The following CNTNAP2 variants were observed in gnomAD, a reference collection of about 807,000 sequenced individuals.
CNTNAP2 encodes contactin-associated protein-like 2.
Under a neutral mutation model 155.2 loss-of-function variants are expected in CNTNAP2, and 98 were observed. That is an observed-to-expected ratio of 0.63 (90% CI 0.54 to 0.75). The LOEUF (loss-of-function observed/expected upper bound fraction) is 0.75, where lower values mean the gene tolerates loss of function less well. CNTNAP2 is among the 30% of genes least tolerant of loss of function. The pLI is 0.00. For synonymous variants in CNTNAP2, 651 were observed against 631.2 expected, an observed-to-expected ratio of 1.03 and a Z score of -0.47; for missense variants, 1,727 against 1,688.1, an observed-to-expected ratio of 1.02 and a Z score of -0.40.
intron 10 of CNTNAP2, among the ~76,000 whole-genome samples, chr7:147,396,859 A>T (rs1201122037): frequency 1.3e-5 from 2 of 152,038 alleles, no homozygotes; most frequent in Non-Finnish European, 2.9e-5. Context: ...AAATTTTTTT[A>T]AAATTTTGAA....
At chr7:146,169,083 C>G (rs1214423374) in intron 1 of CNTNAP2, among the ~76,000 whole-genome samples, 1 of 152,176 alleles carries the variant, frequency 6.6e-6, no homozygotes, top group African/African-American at 2.4e-5. Flanking sequence ...GCACCTTTGC[C>G]ACTTTCTGCT....
At chr7:146,572,126 A>G (rs543844507) in intron 1 of CNTNAP2, among the ~76,000 whole-genome samples, 1 of 152,346 alleles carries the variant, frequency 6.6e-6, no homozygotes, top group East Asian at 1.9e-4. Flanking sequence ...CTTGAATATT[A>G]AAACTCAAAT....
chr7:148,185,715 C>T (rs1259711497), intron 18 of CNTNAP2, among the ~76,000 whole-genome samples: 1 of 152,100 alleles, frequency 6.6e-6, no homozygotes, highest in Non-Finnish European at 1.5e-5. Context: ...TGATTTAAAT[C>T]CCTTTTAAAT....
At chr7:146,786,487 A>C (rs985081827) in intron 2 of CNTNAP2, among the ~76,000 whole-genome samples, 79 of 152,334 alleles carry the variant, frequency 5.2e-4, no homozygotes, top group African/African-American at 1.9e-3. Flanking sequence ...ATTGTCACTA[A>C]TAAGAATTCA....
chr7:147,414,390 C>A (rs1369584204), intron 10 of CNTNAP2, among the ~76,000 whole-genome samples: 1 of 147,760 alleles, frequency 6.8e-6, no homozygotes, highest in African/African-American at 2.5e-5. Flanking sequence ...TGGTATTGCA[C>A]TCCAGTCTGG....
At chr7:146,582,748 A>G (rs544592814) in intron 1 of CNTNAP2, among the ~76,000 whole-genome samples, 77 of 152,226 alleles carry the variant, frequency 5.1e-4, no homozygotes, top group Admixed American at 4.5e-3. Flanking sequence ...CACCTAGTAT[A>G]TTTAGGTTAA....
intron 4 of CNTNAP2, among the ~76,000 whole-genome samples, chr7:147,085,340 T>C (rs1800252310): frequency 6.6e-6 from 1 of 152,084 alleles, no homozygotes; most frequent in Non-Finnish European, 1.5e-5. Flanking sequence ...AGGTGCCCAG[T>C]GGGCAAGCGA....
chr7:146,525,259 A>G (rs1797671637), intron 1 of CNTNAP2, among the ~76,000 whole-genome samples: 1 of 152,150 alleles, frequency 6.6e-6, no homozygotes, highest in South Asian at 2.1e-4. Context: ...ACTAATTGTC[A>G]GAGAAAGAAA....
At chr7:148,263,728 C>T in intron 20 of CNTNAP2, among the ~76,000 whole-genome samples, 1 of 142,110 alleles carries the variant, frequency 7.0e-6, no homozygotes. Context: ...CAGAGCGAGA[C>T]TCAGTCCCAA....
At chr7:148,239,368 G>A (rs1427400279) in intron 20 of CNTNAP2, among the ~76,000 whole-genome samples, 2 of 152,178 alleles carry the variant, frequency 1.3e-5, no homozygotes, top group Non-Finnish European at 2.9e-5. Context: ...TATTACAATG[G>A]TTTGAGTCTA....
intron 14 of CNTNAP2, among the ~76,000 whole-genome samples, chr7:147,921,026 G>T (rs940131036): frequency 6.6e-6 from 1 of 151,678 alleles, no homozygotes; most frequent in Non-Finnish European, 1.5e-5. Context: ...AGCCAGGATG[G>T]TCTCCATCTC....
intron 1 of CNTNAP2, among the ~76,000 whole-genome samples, chr7:146,458,654 G>A (rs1354639788): frequency 2.0e-5 from 3 of 152,206 alleles, no homozygotes; most frequent in Non-Finnish European, 2.9e-5. Flanking sequence ...GGGGTACCCA[G>A]ATATTTGGTT....
intron 1 of CNTNAP2, among the ~76,000 whole-genome samples, chr7:146,202,954 T>G (rs149984362): frequency 7.0e-4 from 107 of 152,320 alleles, no homozygotes; most frequent in Middle Eastern, 3.4e-3. Flanking sequence ...CTTAACTATT[T>G]TGTAAATCCT....
At chr7:147,575,967 T>G (rs535722613) in intron 12 of CNTNAP2, among the ~76,000 whole-genome samples, 1 of 152,046 alleles carries the variant, frequency 6.6e-6, no homozygotes, top group Non-Finnish European at 1.5e-5. Context: ...AAAAGGCTGT[T>G]TACACAAAGA....
chr7:146,369,050 T>TAC (rs57753770), intron 1 of CNTNAP2, among the ~76,000 whole-genome samples: 1,578 of 139,180 alleles, frequency 0.011, 39 homozygotes, highest in African/African-American at 0.04. Context: ...TATATATATA[T>TAC]ACATATATAT....
At chr7:147,250,321 C>A (rs1804168340) in intron 8 of CNTNAP2, among the ~76,000 whole-genome samples, 1 of 152,078 alleles carries the variant, frequency 6.6e-6, no homozygotes, top group Non-Finnish European at 1.5e-5. Flanking sequence ...ATCAAGAGAA[C>A]CTGCCCCTTT....
At chr7:147,876,358 T>C (rs1041412407) in intron 13 of CNTNAP2, among the ~76,000 whole-genome samples, 3 of 152,216 alleles carry the variant, frequency 2.0e-5, no homozygotes, top group Admixed American at 1.3e-4. Flanking sequence ...TTTTATCATT[T>C]CAAAAGCAGA....
At chr7:147,475,633 G>T (rs1016291250) in intron 10 of CNTNAP2, among the ~76,000 whole-genome samples, 2 of 151,434 alleles carry the variant, frequency 1.3e-5, no homozygotes, top group South Asian at 4.2e-4. Flanking sequence ...GGTCACTCAA[G>T]ATTTAAAAAA....
intron 2 of CNTNAP2, among the ~76,000 whole-genome samples, chr7:146,832,294 T>G (rs1803528002): frequency 6.6e-6 from 1 of 152,114 alleles, no homozygotes; most frequent in Non-Finnish European, 1.5e-5. Context: ...CATGGTGTCA[T>G]GTCTTTTTTA....
Sources: allele counts gnomAD v4.1 joint callset (sites outside exome capture counted in the v4.1 genomes callset), GRCh38; gene constraint gnomAD v4.1.1; transcripts MANE v1.5; gene names NCBI Gene and HGNC (gene_info 2026-07-23, HGNC 2026-07-21).